Variants in CSNK1G3 observed in about 807,000 individuals in gnomAD.
CSNK1G3 encodes casein kinase I isoform gamma-3.
In CSNK1G3, 23 loss-of-function variants were observed where a neutral mutation model predicts 64.3. That is an observed-to-expected ratio of 0.36 (90% CI 0.26 to 0.51). The LOEUF is 0.51. Ranked by LOEUF, CSNK1G3 falls within the 20% of genes least tolerant of loss-of-function variation. CSNK1G3 has a pLI of 0.96. For synonymous variants in CSNK1G3, 158 were observed against 162.2 expected, an observed-to-expected ratio of 0.97 and a Z score of 0.20; for missense variants, 357 against 510.5, an observed-to-expected ratio of 0.70 and a Z score of 2.90.
chr5:123,530,248 T>G (rs1040661888), intron 1 of CSNK1G3, among the ~76,000 whole-genome samples: 1 of 152,182 alleles, frequency 6.6e-6, no homozygotes, highest in African/African-American at 2.4e-5. Context: ...ACGGTCGTAT[T>G]GTAGTTACTG....
chr5:123,590,464 C>A, exon 9 of CSNK1G3: 1 of 1,520,516 alleles, frequency 6.6e-7, no homozygotes, highest in South Asian at 1.3e-5. Flanking sequence ...TTTGAAAAAC[C>A]AGACTATGAC....
chr5:123,583,169 T>A (rs1031418509), intron 6 of CSNK1G3, among the ~76,000 whole-genome samples: 1 of 152,184 alleles, frequency 6.6e-6, no homozygotes, highest in Non-Finnish European at 1.5e-5. Context: ...CAGAGCGTCT[T>A]ACTGTAGGGC....
intron 4 of CSNK1G3, among the ~76,000 whole-genome samples, chr5:123,561,443 T>A (rs1349750983): frequency 6.6e-6 from 1 of 152,148 alleles, no homozygotes; most frequent in African/African-American, 2.4e-5. Context: ...TAACAAAAGT[T>A]GTGAAAGCAG....
intron 12 of CSNK1G3, among the ~76,000 whole-genome samples, chr5:123,612,603 G>C (rs1006267516): frequency 6.6e-6 from 1 of 151,510 alleles, no homozygotes; most frequent in African/African-American, 2.4e-5. Context: ...TCAGCCTCCT[G>C]AGTAGCTGGG....
At chr5:123,538,465 T>C (rs577325746) in intron 1 of CSNK1G3, among the ~76,000 whole-genome samples, 1 of 152,324 alleles carries the variant, frequency 6.6e-6, no homozygotes, top group Admixed American at 6.5e-5. Flanking sequence ...TGGCAATTTG[T>C]ATATATTCTT....
rs752136946 is a variant in CSNK1G3, at chr5:123,557,544, A to G, written c.269A>G (p.Tyr90Cys). The G allele has an allele frequency of 3.1e-6, 5 of 1,604,066 alleles. No homozygotes were observed. The African/African-American group carries it at 4.0e-5, about 13-fold the overall frequency. ...CAGCTACATTTGGAATACAGATTCT[A>G]TAAGCAGTTAGGATCTGGAGGTAAA... Residue 90 changes from tyrosine (Y) to cysteine (C), a missense_variant, in exon 4 of 13, where the codon TAT becomes TGT. By Grantham distance (194) the Tyr-to-Cys change is radical. Coordinates refer to ENST00000345990, the Ensembl canonical transcript of CSNK1G3.
chr5:123,605,844 G>A (rs1795278923), intron 12 of CSNK1G3, among the ~76,000 whole-genome samples: 2 of 151,980 alleles, frequency 1.3e-5, no homozygotes, highest in Non-Finnish European at 2.9e-5. Flanking sequence ...TGATAACCTT[G>A]TAGTGAGAAA....
intron 1 of CSNK1G3, among the ~76,000 whole-genome samples, chr5:123,543,252 A>T (rs1397550492): frequency 1.3e-5 from 2 of 152,052 alleles, no homozygotes; most frequent in Non-Finnish European, 2.9e-5. Flanking sequence ...TTCAGTTGGG[A>T]CAGTCTAGAG....
intron 6 of CSNK1G3, among the ~76,000 whole-genome samples, chr5:123,582,376 A>G (rs1377128565): frequency 6.6e-6 from 1 of 152,120 alleles, no homozygotes; most frequent in Admixed American, 6.5e-5. Context: ...GTAGTCACTT[A>G]ATCTTTCTGA....
intron 6 of CSNK1G3, among the ~76,000 whole-genome samples, chr5:123,578,406 A>C (rs928368791): frequency 6.6e-6 from 1 of 151,784 alleles, no homozygotes; most frequent in Non-Finnish European, 1.5e-5. Flanking sequence ...TGTTTCTGAG[A>C]TCTGTTTCAT....
chr5:123,560,811 G>A (rs1785551803), intron 4 of CSNK1G3, among the ~76,000 whole-genome samples: 1 of 152,170 alleles, frequency 6.6e-6, no homozygotes, highest in South Asian at 2.1e-4. Context: ...GGGGCTTGGG[G>A]AGAGGGCAGA....
At chr5:123,513,923 A>G (rs888516727) in intron 1 of CSNK1G3, among the ~76,000 whole-genome samples, 1 of 152,118 alleles carries the variant, frequency 6.6e-6, no homozygotes, top group African/African-American at 2.4e-5. Flanking sequence ...GTATTTTGTA[A>G]TTATTTACAA....
intron 1 of CSNK1G3, among the ~76,000 whole-genome samples, chr5:123,533,812 T>C (rs1780360587): frequency 6.6e-6 from 1 of 151,806 alleles, no homozygotes; most frequent in Admixed American, 6.6e-5. Flanking sequence ...AGAGGTTTTT[T>C]CTTTTTTTTA....
intron 1 of CSNK1G3, among the ~76,000 whole-genome samples, chr5:123,515,004 A>AT (rs1171235043): frequency 3.9e-5 from 6 of 152,224 alleles, no homozygotes; most frequent in African/African-American, 1.4e-4. Context: ...ATTTTCTATC[A>AT]TTGGCACTAC....
At chr5:123,525,069 A>G (rs998180341) in intron 1 of CSNK1G3, among the ~76,000 whole-genome samples, 3 of 152,154 alleles carry the variant, frequency 2.0e-5, no homozygotes, top group South Asian at 2.1e-4. Context: ...AAGCACTATA[A>G]TTCTATTGTA....
At chr5:123,572,224 C>T (rs1390331802) in intron 4 of CSNK1G3, among the ~76,000 whole-genome samples, 1 of 152,104 alleles carries the variant, frequency 6.6e-6, no homozygotes, top group East Asian at 1.9e-4. Context: ...ATCTCCTTCC[C>T]TAGCTCTGTT....
At chr5:123,547,193 G>A (rs1269240125) in intron 2 of CSNK1G3, among the ~76,000 whole-genome samples, 1 of 152,096 alleles carries the variant, frequency 6.6e-6, no homozygotes, top group African/African-American at 2.4e-5. Flanking sequence ...GAACAGATAA[G>A]TCATTTAACC....
intron 6 of CSNK1G3, among the ~76,000 whole-genome samples, chr5:123,582,063 A>G (rs1790410327): frequency 6.6e-6 from 1 of 151,918 alleles, no homozygotes; most frequent in South Asian, 2.1e-4. Flanking sequence ...ATCATAGAAA[A>G]CTTCCTGCTT....
chr5:123,525,984 C>T (rs546009441), intron 1 of CSNK1G3, among the ~76,000 whole-genome samples: 5 of 142,410 alleles, frequency 3.5e-5, no homozygotes, highest in East Asian at 2.1e-4. Context: ...GGCGACAGAG[C>T]GAGACTCCGT....
Sources: allele counts gnomAD v4.1 joint callset (sites outside exome capture counted in the v4.1 genomes callset), GRCh38; gene constraint gnomAD v4.1.1; transcripts MANE v1.5; gene names NCBI Gene and HGNC (gene_info 2026-07-23, HGNC 2026-07-21).